IFT74: variants seen among roughly 807,000 people sequenced by gnomAD.
IFT74 encodes the protein intraflagellar transport protein 74 homolog.
A neutral mutation model predicts 96.7 loss-of-function variants in IFT74; 92 were observed. The observed-to-expected ratio is 0.95, with a 90% CI of 0.80 to 1.13. IFT74 has a LOEUF of 1.13. Ranked by LOEUF, IFT74 falls within the 50% of genes most tolerant of loss-of-function variation. The probability of loss-of-function intolerance (pLI) is 0.00; values close to 1 mark genes in which losing one functional copy is unlikely to be tolerated. For missense variants in IFT74, 811 were observed against 698.2 expected (o/e 1.16, Z -1.82); for synonymous variants, 223 against 213.2 (o/e 1.05, Z -0.40).
chr9:26,949,049 G>A (rs1563926921), intron 1 of IFT74, among the ~76,000 whole-genome samples: 1 of 151,934 alleles, frequency 6.6e-6, no homozygotes, highest in Non-Finnish European at 1.5e-5. Flanking sequence ...AGTTTTGTCT[G>A]TTGTCAATAT....
chr9:27,030,843 A>G (rs1830084988), intron 13 of IFT74, among the ~76,000 whole-genome samples: 1 of 152,238 alleles, frequency 6.6e-6, no homozygotes, highest in African/African-American at 2.4e-5. Context: ...AAGGGAAAGT[A>G]ATAGAAAAAG....
chr9:27,061,707 T>TATATATATATATGTAC (rs1564011674), intron 19 of IFT74, among the ~76,000 whole-genome samples: 3 of 141,904 alleles, frequency 2.1e-5, no homozygotes, highest in African/African-American at 7.7e-5. Context: ...GTACATAATA[T>TATATATATATATGTAC]ATAATATATA....
chr9:26,991,858 A>G (rs1451666076), intron 8 of IFT74, among the ~76,000 whole-genome samples: 2 of 151,946 alleles, frequency 1.3e-5, no homozygotes, highest in Admixed American at 1.3e-4. Context: ...GTAAAACCAT[A>G]TCTCTACTAA....
intron 13 of IFT74, among the ~76,000 whole-genome samples, chr9:27,029,654 C>T (rs984993340): frequency 7.2e-5 from 11 of 152,170 alleles, no homozygotes; most frequent in African/African-American, 2.4e-4. Flanking sequence ...AAGGCTGAGG[C>T]AGGAGAATCA....
rs1224775492 is a variant in IFT74 at position 27,064,874 on chromosome 9, A to G, written c.*2138A>G. On this transcript the variant is annotated 3_prime_UTR_variant, in exon 20 of 20. Transcript: ENST00000380062. ...AGTGGTGGGATTATGGGTGATTGTA[A>G]TCTTCCTTGGGCTTTTTGGTATTTT... Among the ~76,000 whole-genome samples the G allele has an allele frequency of 1.3e-5, 2 of 151,976 alleles. No homozygotes were observed. Among genetic ancestry groups the G allele is most frequent in the Non-Finnish European group, 2.9e-5 (2 of 67,954 alleles).
intron 13 of IFT74, among the ~76,000 whole-genome samples, chr9:27,030,202 T>G (rs1830057176): frequency 6.6e-6 from 1 of 152,180 alleles, no homozygotes; most frequent in African/African-American, 2.4e-5. Flanking sequence ...TTGTATATTC[T>G]TATGAGTTAG....
At position 27,012,706 on chromosome 9, in the gene IFT74, C is replaced by CTCTTT. The variant is rs1563974323; in HGVS notation, c.789+739_789+740insCTTTT. Among the ~76,000 whole-genome samples the CTCTTT allele has an allele frequency of 2.3e-5, 2 of 85,308 alleles. 1 individual carries two copies. Among genetic ancestry groups the CTCTTT allele is most frequent in the South Asian group, 7.6e-4 (2 of 2,620 alleles). 56.0% of individuals were successfully genotyped at this position (85,308 alleles called of 152,430 possible). On this transcript the variant is annotated intron_variant, in intron 10 of 19. Transcript: ENST00000380062. ...TTGAACAAGAGGAAAGTAAAAATGT[C>CTCTTT]TGTTTTTTTTTTTTTTTTTTTTTTT...
chr9:27,057,230 A>G (rs528924900), intron 18 of IFT74, among the ~76,000 whole-genome samples: 1 of 152,216 alleles, frequency 6.6e-6, no homozygotes, highest in South Asian at 2.1e-4. Context: ...CATATCTCCA[A>G]TTATTTACAT....
intron 13 of IFT74, among the ~76,000 whole-genome samples, chr9:27,033,344 G>A (rs1830211130): frequency 6.6e-6 from 1 of 151,950 alleles, no homozygotes; most frequent in South Asian, 2.1e-4. Flanking sequence ...GATTGCTTGA[G>A]CTCAGAAGTT....
chr9:26,953,544 C>T (rs1825996693), upstream of IFT74, among the ~76,000 whole-genome samples: 1 of 152,188 alleles, frequency 6.6e-6, no homozygotes, highest in African/African-American at 2.4e-5. Context: ...ACACTCCTAC[C>T]AGTGTATCCA....
At chr9:26,949,626 T>C (rs1415156619) in intron 1 of IFT74, among the ~76,000 whole-genome samples, 11 of 152,154 alleles carry the variant, frequency 7.2e-5, no homozygotes, top group Admixed American at 7.2e-4. Flanking sequence ...CTACAAATGT[T>C]GCAGCAGGGA....
chr9:27,047,167 T>C, intron 14 of IFT74, 107 bp from the exon 15 acceptor site: 1 of 620,792 alleles, frequency 1.6e-6, no homozygotes, highest in Non-Finnish European at 2.7e-6. Context: ...TGAGACTCTG[T>C]CTCAAAAAAA....
chr9:26,971,113 A>G (rs1172291120), intron 2 of IFT74, among the ~76,000 whole-genome samples: 1 of 152,218 alleles, frequency 6.6e-6, no homozygotes, highest in East Asian at 1.9e-4. Flanking sequence ...TTATAACTGC[A>G]TTACTAGCAG....
chr9:26,989,454 A>G (rs2131551453), intron 7 of IFT74, among the ~76,000 whole-genome samples: 1 of 152,334 alleles, frequency 6.6e-6, no homozygotes, highest in Admixed American at 6.5e-5. Context: ...GATTATAAGC[A>G]TTTGGATGAA....
At chr9:27,058,573 A>G (rs542356910) in intron 18 of IFT74, among the ~76,000 whole-genome samples, 45 of 152,034 alleles carry the variant, frequency 3.0e-4, no homozygotes, top group African/African-American at 7.2e-4. Context: ...TTTTTAGTAG[A>G]GACAGGGTTT....
In IFT74 at chr9:27,046,620, G is replaced by T. The variant is rs745410827; in HGVS notation, c.1109-654G>T. 3.3e-5 allele frequency among the ~76,000 whole-genome samples: 5 copies of T among 152,198 alleles called. No individual in the cohort carries two copies. The Middle Eastern group carries it at 0.014, about 417-fold the overall frequency. On this transcript the variant is annotated intron_variant, in intron 14 of 19. Coordinates refer to ENST00000380062, the MANE Select transcript of IFT74 (RefSeq NM_025103.4). The stretch of plus-strand genomic sequence containing the variant: ...AAATACTTATTTTCAGATAAAATGG[G>T]TATTCAGCATTGGAAATTATAGAAA...
At chr9:26,990,570 A>G (rs1401952206) in intron 8 of IFT74, among the ~76,000 whole-genome samples, 1 of 152,194 alleles carries the variant, frequency 6.6e-6, no homozygotes, top group East Asian at 1.9e-4. Flanking sequence ...TTAGGAAGCT[A>G]TTTACATTAT....
intron 2 of IFT74, among the ~76,000 whole-genome samples, chr9:26,972,198 T>C (rs1394442064): frequency 6.6e-6 from 1 of 152,218 alleles, no homozygotes; most frequent in African/African-American, 2.4e-5. Flanking sequence ...TGTTAAATCA[T>C]CTTTTTTTTT....
rs1554671251 is a variant in IFT74 at position 27,005,367 on chromosome 9, C to CG, written c.588-3652dup. Among the ~76,000 whole-genome samples the CG allele has an allele frequency of 4.7e-3, 487 of 102,684 alleles. 15 individuals are homozygous for CG. The highest frequency in any genetic ancestry group is 8.4e-3 in the Non-Finnish European group (404 of 48,206). 67.4% of individuals were successfully genotyped at this position (102,684 alleles called of 152,430 possible). On this transcript the variant is annotated intron_variant, in intron 8 of 19. Transcript: ENST00000380062. Reference sequence around the variant, plus strand: ...TGAAACCATTTCCCCCCCCGCCCCCCGCAAAACAATTACTTAGTATTGTAT... The same window carrying CG: ...TGAAACCATTTCCCCCCCCGCCCCCCGGCAAAACAATTACTTAGTATTGTAT...
Sources: allele counts gnomAD v4.1 joint callset (sites outside exome capture counted in the v4.1 genomes callset), GRCh38; gene constraint gnomAD v4.1.1; transcripts MANE v1.5; gene names NCBI Gene and HGNC (gene_info 2026-07-23, HGNC 2026-07-21).